Variants in RANBP2 observed in about 807,000 individuals in gnomAD.
RANBP2 encodes the protein E3 SUMO-protein ligase RanBP2.
In RANBP2, 57 loss-of-function variants were observed where a neutral mutation model predicts 303.6. The observed-to-expected ratio is 0.19, with a 90% confidence interval of 0.15 to 0.23. RANBP2 has a LOEUF of 0.23. Among genes scored for constraint, RANBP2 ranks in the 10% least tolerant of loss-of-function variants. The pLI, the probability that RANBP2 is intolerant of heterozygous loss-of-function variation, is 1.00. For synonymous variants in RANBP2, 1,167 were observed against 1,301.5 expected, an observed-to-expected ratio of 0.90 and a Z score of 2.23; for missense variants, 3,138 against 3,780.8, an observed-to-expected ratio of 0.83 and a Z score of 4.46.
At chr2:109,091,436 T>C in the RANBP2 span, among the ~76,000 whole-genome samples, 1 of 152,180 alleles carries the variant, frequency 6.6e-6, no homozygotes, top group Non-Finnish European at 1.5e-5. Flanking sequence ...TTAGTTTTCC[T>C]ATCATGTTAA....
chr2:109,168,256 C>T, the RANBP2 span, among the ~76,000 whole-genome samples: 4,521 of 152,280 alleles, frequency 0.03, 212 homozygotes, highest in African/African-American at 0.1. Flanking sequence ...ATTTTCACCA[C>T]CTGATGGGGT....
the RANBP2 span, among the ~76,000 whole-genome samples, chr2:109,739,905 GT>G: frequency 2.1e-3 from 278 of 130,854 alleles, 9 homozygotes; most frequent in East Asian, 5.8e-3. Context: ...TCTATACCCA[GT>G]TTTTTTTTTT....
the RANBP2 span, chr2:108,857,066 CTTTTTTTTTTTTTTTTTTTTTTT>C: frequency 2.3e-5 from 1 of 43,056 alleles, no homozygotes; most frequent in African/African-American, 1.2e-4. Context: ...GATACTATTG[CTTTTTTTTTTTTTTTTTTTTTTT>C]TTTTTTTTGA....
At chr2:109,617,978 A>G in the RANBP2 span, 1 of 164,770 alleles carries the variant, frequency 6.1e-6, no homozygotes, top group African/African-American at 2.5e-5. Flanking sequence ...CAAGATCACG[A>G]CACTGCACTC....
At chr2:109,485,036 G>A in the RANBP2 span, among the ~76,000 whole-genome samples, 1 of 152,224 alleles carries the variant, frequency 6.6e-6, no homozygotes, top group African/African-American at 2.4e-5. Context: ...TAACCCATCA[G>A]CGTGTGCAGC....
chr2:108,726,133 GT>G (rs1694684342), intron 1 of RANBP2, among the ~76,000 whole-genome samples: 1 of 152,140 alleles, frequency 6.6e-6, no homozygotes, highest in Admixed American at 6.6e-5. Flanking sequence ...CATTTCATGA[GT>G]TTTAAATTGC....
At chr2:109,250,259 G>T in the RANBP2 span, among the ~76,000 whole-genome samples, 1 of 152,072 alleles carries the variant, frequency 6.6e-6, no homozygotes, top group Admixed American at 6.6e-5. Context: ...AGAATGTTTA[G>T]AACTTTGGAA....
the RANBP2 span, among the ~76,000 whole-genome samples, chr2:109,644,643 T>C: frequency 2.9e-4 from 44 of 152,184 alleles, no homozygotes; most frequent in African/African-American, 1.0e-3. Context: ...GTGAACTGGC[T>C]CCTGTGTTCT....
the RANBP2 span, among the ~76,000 whole-genome samples, chr2:108,886,559 C>T: frequency 1.5e-4 from 23 of 152,196 alleles, no homozygotes; most frequent in South Asian, 1.2e-3. Context: ...GGACTACAGG[C>T]GCCCGCCACC....
chr2:109,398,844 C>G, the RANBP2 span: 3 of 1,613,950 alleles, frequency 1.9e-6, no homozygotes, highest in Non-Finnish European at 2.5e-6. Flanking sequence ...ACAGGCATTC[C>G]ATGGAAATTA....
At chr2:109,613,414 T>A in the RANBP2 span, 1 of 315,374 alleles carries the variant, frequency 3.2e-6, no homozygotes, top group South Asian at 2.7e-5. Context: ...GGCTCGGAAG[T>A]GCTCACGGCT....
the RANBP2 span, among the ~76,000 whole-genome samples, chr2:108,880,221 AAAC>A: frequency 3.1e-4 from 1 of 3,252 alleles, no homozygotes; most frequent in African/African-American, 2.6e-3. Context: ...AAACAAAAAC[AAAC>A]AAAAAAAAAA....
chr2:108,771,610 A>C (rs1159489033), intron 20 of RANBP2, 91 bp from the exon 21 acceptor site: 12 of 1,574,118 alleles, frequency 7.6e-6, no homozygotes, highest in Non-Finnish European at 8.6e-7. Context: ...TTTAACCTAT[A>C]GATAGGTTCC....
the RANBP2 span, among the ~76,000 whole-genome samples, chr2:109,043,443 A>G: frequency 1.3e-5 from 2 of 152,054 alleles, no homozygotes; most frequent in Admixed American, 6.6e-5. Flanking sequence ...CCCAGGATCA[A>G]GCGATTCTCC....
At chr2:109,585,762 C>T in the RANBP2 span, 1 of 1,613,738 alleles carries the variant, frequency 6.2e-7, no homozygotes, top group South Asian at 1.1e-5. Context: ...CTGAATGGAT[C>T]TGTTCACCAG....
chr2:109,112,701 C>A, the RANBP2 span, among the ~76,000 whole-genome samples: 3 of 152,212 alleles, frequency 2.0e-5, no homozygotes, highest in East Asian at 5.8e-4. Context: ...GACATGAAGT[C>A]CTTGCCCATG....
chr2:108,996,001 C>T, the RANBP2 span, among the ~76,000 whole-genome samples: 46 of 152,268 alleles, frequency 3.0e-4, no homozygotes, highest in African/African-American at 1.0e-3. Context: ...TTGGGATATG[C>T]AATTTATTCT....
chr2:109,480,386 G>A, the RANBP2 span, among the ~76,000 whole-genome samples: 33 of 152,292 alleles, frequency 2.2e-4, no homozygotes, highest in Admixed American at 3.9e-4. Flanking sequence ...TTGTTCAAGG[G>A]TGCATGGCTG....
the RANBP2 span, among the ~76,000 whole-genome samples, chr2:109,475,270 C>T: frequency 1.3e-5 from 2 of 152,228 alleles, no homozygotes; most frequent in Non-Finnish European, 2.9e-5. Flanking sequence ...AGCCACCACG[C>T]CCGGCTTCAG....
Sources: gnomAD v4.1 joint callset for allele counts (sites outside exome capture counted in the v4.1 genomes callset) on GRCh38, gnomAD v4.1.1 for gene constraint, MANE v1.5 for transcripts, NCBI Gene and HGNC (gene_info 2026-07-23, HGNC 2026-07-21) for gene names.